The following GABBR2 variants were observed in gnomAD, a reference collection of about 807,000 sequenced individuals.
GABBR2 encodes the protein gamma-aminobutyric acid type B receptor subunit 2.
Under a neutral mutation model 105.6 loss-of-function variants are expected in GABBR2, and 23 were observed. The ratio of observed to expected loss-of-function variants is 0.22; its 90% CI spans 0.16 to 0.31. The LOEUF is 0.31. GABBR2 is among the 10% of genes least tolerant of loss of function. The probability of loss-of-function intolerance (pLI) is 1.00; values close to 1 mark genes in which losing one functional copy is unlikely to be tolerated. For synonymous variants in GABBR2, 478 were observed against 499.7 expected, an observed-to-expected ratio of 0.96 and a Z score of 0.58; for missense variants, 734 against 1,245.5, an observed-to-expected ratio of 0.59 and a Z score of 6.18.
intron 3 of GABBR2, among the ~76,000 whole-genome samples, chr9:98,509,650 A>G (rs1827595196): frequency 6.6e-6 from 1 of 152,244 alleles, no homozygotes; most frequent in Admixed American, 6.5e-5. Context: ...CAATGCGATC[A>G]ACTGGAAGAA....
intron 13 of GABBR2, among the ~76,000 whole-genome samples, chr9:98,321,548 G>A (rs1830823092): frequency 6.6e-6 from 1 of 152,160 alleles, no homozygotes; most frequent in Non-Finnish European, 1.5e-5. Context: ...CTTTCCTCCT[G>A]TAGTCCAGGG....
intron 12 of GABBR2, among the ~76,000 whole-genome samples, chr9:98,367,852 C>T (rs772321884): frequency 1.3e-5 from 2 of 152,046 alleles, no homozygotes; most frequent in African/African-American, 4.8e-5. Flanking sequence ...TTGTGACAGG[C>T]GTAGTTCAAA....
intron 1 of GABBR2, among the ~76,000 whole-genome samples, chr9:98,701,197 C>CAAATA (rs1830826413): frequency 6.6e-6 from 1 of 152,164 alleles, no homozygotes. Context: ...CAAAGAAGGT[C>CAAATA]CCTTTAAAGA....
chr9:98,597,301 C>T (rs776265871), intron 1 of GABBR2, among the ~76,000 whole-genome samples: 3 of 152,152 alleles, frequency 2.0e-5, no homozygotes, highest in Admixed American at 6.5e-5. Context: ...TGATCACAAA[C>T]AACATGCCAG....
chr9:98,303,451 T>G, intron 15 of GABBR2, 28 bp from the exon 16 acceptor site: 1 of 1,602,392 alleles, frequency 6.2e-7, no homozygotes, highest in Non-Finnish European at 8.5e-7. Context: ...GGGGCGGGGT[T>G]GAAGAGAGAG....
intron 1 of GABBR2, among the ~76,000 whole-genome samples, chr9:98,699,841 C>T (rs1167980484): frequency 1.3e-5 from 2 of 152,148 alleles, no homozygotes; most frequent in Non-Finnish European, 2.9e-5. Context: ...ATTTCACCAG[C>T]CTCACTGTGC....
chr9:98,608,212 C>A, intron 1 of GABBR2: 4 of 831,880 alleles, frequency 4.8e-6, no homozygotes, highest in South Asian at 1.6e-5. Flanking sequence ...TCCGTTTGAC[C>A]AATTTGAGCC....
intron 13 of GABBR2, among the ~76,000 whole-genome samples, chr9:98,348,448 T>G (rs1179616312): frequency 1.3e-5 from 2 of 152,200 alleles, no homozygotes; most frequent in Non-Finnish European, 2.9e-5. Flanking sequence ...ATTTTCAGAT[T>G]GTTTTTTCTA....
chr9:98,669,484 T>G (rs917557168), intron 1 of GABBR2, among the ~76,000 whole-genome samples: 1 of 152,226 alleles, frequency 6.6e-6, no homozygotes, highest in Non-Finnish European at 1.5e-5. Flanking sequence ...CTCAATCATT[T>G]CACATTCTAA....
intron 1 of GABBR2, among the ~76,000 whole-genome samples, chr9:98,624,321 T>C (rs1408601104): frequency 1.3e-5 from 2 of 152,162 alleles, no homozygotes; most frequent in Non-Finnish European, 2.9e-5. Context: ...GCAGACACCA[T>C]GACCTCACAG....
chr9:98,339,874 T>A (rs975622024), intron 13 of GABBR2, among the ~76,000 whole-genome samples: 1 of 152,192 alleles, frequency 6.6e-6, no homozygotes, highest in Non-Finnish European at 1.5e-5. Flanking sequence ...AGTGTAGTCA[T>A]CATGGCTGAA....
chr9:98,503,193 C>G (rs1039004125), intron 3 of GABBR2, among the ~76,000 whole-genome samples: 1 of 152,032 alleles, frequency 6.6e-6, no homozygotes, highest in African/African-American at 2.4e-5. Context: ...GATTCCAGGC[C>G]GAGGAGCAGC....
At chr9:98,661,851 G>A (rs1830268962) in intron 1 of GABBR2, among the ~76,000 whole-genome samples, 1 of 152,160 alleles carries the variant, frequency 6.6e-6, no homozygotes, top group Non-Finnish European at 1.5e-5. Context: ...GTCTAGGTTA[G>A]GCCCCGTCCC....
intron 3 of GABBR2, among the ~76,000 whole-genome samples, chr9:98,502,891 C>T (rs1244155432): frequency 6.6e-6 from 1 of 152,248 alleles, no homozygotes; most frequent in African/African-American, 2.4e-5. Flanking sequence ...CTGTTTGTCC[C>T]TACCAGTCCC....
chr9:98,492,481 G>A (rs1423945096), intron 4 of GABBR2, among the ~76,000 whole-genome samples: 1 of 150,052 alleles, frequency 6.7e-6, no homozygotes, highest in Admixed American at 6.7e-5. Flanking sequence ...AGTATTTTGT[G>A]CATTTGTCAC....
At chr9:98,296,920 G>A (rs36074616) in intron 17 of GABBR2, among the ~76,000 whole-genome samples, 8,137 of 151,986 alleles carry the variant, frequency 0.054, 349 homozygotes, top group Middle Eastern at 0.1. Context: ...CTTTCCTTTT[G>A]TGATTTCTGT....
intron 1 of GABBR2, among the ~76,000 whole-genome samples, chr9:98,676,212 C>A (rs542855753): frequency 1.3e-5 from 2 of 152,152 alleles, no homozygotes; most frequent in African/African-American, 4.8e-5. Context: ...AAGGAAGGGG[C>A]CATGTGCCAA....
chr9:98,458,174 G>A (rs897056647), intron 6 of GABBR2, among the ~76,000 whole-genome samples: 1 of 152,222 alleles, frequency 6.6e-6, no homozygotes, highest in Non-Finnish European at 1.5e-5. Flanking sequence ...GAAATGAGCT[G>A]AGTCCTTCTT....
At chr9:98,606,306 G>C (rs1829420631) in intron 1 of GABBR2, among the ~76,000 whole-genome samples, 1 of 152,074 alleles carries the variant, frequency 6.6e-6, no homozygotes, top group South Asian at 2.1e-4. Context: ...GGATGGCTGG[G>C]TCAAATGGTA....
Sources: allele counts gnomAD v4.1 joint callset (sites outside exome capture counted in the v4.1 genomes callset), GRCh38; gene constraint gnomAD v4.1.1; transcripts MANE v1.5; gene names NCBI Gene and HGNC (gene_info 2026-07-23, HGNC 2026-07-21).